The following DOK6 variants were observed in gnomAD, a reference collection of about 807,000 sequenced individuals.
DOK6 encodes docking protein 6.
In DOK6, 22 loss-of-function variants were observed where a neutral mutation model predicts 44.0. That is an observed-to-expected ratio of 0.50 (90% CI 0.36 to 0.71). DOK6 has a LOEUF of 0.71. Ranked by LOEUF, DOK6 falls within the 30% of genes least tolerant of loss-of-function variation. DOK6 has a pLI of 0.00. For missense variants in DOK6, 340 were observed against 416.4 expected (o/e 0.82, Z 1.60); for synonymous variants, 166 against 145.5 (o/e 1.14, Z -1.01).
At chr18:69,403,895 A>G (rs1312160538) in intron 1 of DOK6, among the ~76,000 whole-genome samples, 1 of 152,214 alleles carries the variant, frequency 6.6e-6, no homozygotes, top group African/African-American at 2.4e-5. Flanking sequence ...TCCTAATTTT[A>G]TGGACTCAAA....
At chr18:69,729,549 G>A (rs187138127) in intron 5 of DOK6, among the ~76,000 whole-genome samples, 1 of 152,178 alleles carries the variant, frequency 6.6e-6, no homozygotes, top group East Asian at 1.9e-4. Context: ...ACAACAGGAG[G>A]TGGGAAACTA....
intron 2 of DOK6, among the ~76,000 whole-genome samples, chr18:69,585,371 AACTT>A (rs1983474693): frequency 6.6e-6 from 1 of 152,076 alleles, no homozygotes; most frequent in Non-Finnish European, 1.5e-5. Flanking sequence ...TGTTCTTTTG[AACTT>A]ACTAAGACTT....
At chr18:69,784,250 CAA>C (rs1980365396) in intron 7 of DOK6, among the ~76,000 whole-genome samples, 2 of 152,116 alleles carry the variant, frequency 1.3e-5, no homozygotes, top group East Asian at 3.9e-4. Flanking sequence ...TAACGGATTA[CAA>C]GTTAATTTTT....
intron 7 of DOK6, among the ~76,000 whole-genome samples, chr18:69,791,832 A>G (rs1980609659): frequency 6.6e-6 from 1 of 152,084 alleles, no homozygotes; most frequent in African/African-American, 2.4e-5. Flanking sequence ...TGCCCAGTCC[A>G]ATGTCCTGGA....
intron 2 of DOK6, among the ~76,000 whole-genome samples, chr18:69,591,275 C>T (rs1369001422): frequency 1.3e-5 from 2 of 152,048 alleles, no homozygotes; most frequent in Non-Finnish European, 2.9e-5. Flanking sequence ...CTGCTGTATA[C>T]TGATATGGGA....
chr18:69,509,532 G>C (rs1981296995), intron 1 of DOK6, among the ~76,000 whole-genome samples: 1 of 151,438 alleles, frequency 6.6e-6, no homozygotes. Flanking sequence ...CAGCTACTCG[G>C]GAGGCCGAGG....
chr18:69,447,889 G>T (rs1037938067), intron 1 of DOK6, among the ~76,000 whole-genome samples: 1 of 152,124 alleles, frequency 6.6e-6, no homozygotes, highest in African/African-American at 2.4e-5. Flanking sequence ...CTTATCTCAG[G>T]TTTCCAGTGA....
At chr18:69,688,730 C>G (rs371414817) in intron 4 of DOK6, among the ~76,000 whole-genome samples, 3 of 152,172 alleles carry the variant, frequency 2.0e-5, no homozygotes, top group African/African-American at 7.2e-5. Flanking sequence ...CCATGTTGGC[C>G]AGGCTGGTCT....
At chr18:69,433,876 T>C (rs950750575) in intron 1 of DOK6, among the ~76,000 whole-genome samples, 1 of 152,182 alleles carries the variant, frequency 6.6e-6, no homozygotes, top group Admixed American at 6.5e-5. Context: ...TACATTCCTA[T>C]GTACTTTTTC....
intron 3 of DOK6, among the ~76,000 whole-genome samples, chr18:69,603,346 C>T (rs1163991621): frequency 6.6e-6 from 1 of 152,130 alleles, no homozygotes; most frequent in East Asian, 1.9e-4. Context: ...ACAATTCAGC[C>T]GGCCTACCTT....
At chr18:69,688,906 A>G (rs892834179) in intron 4 of DOK6, among the ~76,000 whole-genome samples, 1 of 152,188 alleles carries the variant, frequency 6.6e-6, no homozygotes, top group Non-Finnish European at 1.5e-5. Flanking sequence ...CTGAACCCCT[A>G]TGCACACCAC....
In DOK6 at chr18:69,485,249, A is replaced by T. The variant is rs541502954; in HGVS notation, c.67-79238A>T. 2.0e-5 allele frequency among the ~76,000 whole-genome samples: 3 copies of T among 152,284 alleles called. No homozygotes were observed. In the South Asian group the frequency reaches 6.2e-4, roughly 32 times the overall value. ...ATGGTGAGCAAGGGCAGCAAGTGAGAGGGCATGCTGAAAGCCTTGCTAGAA... is the reference window on the plus strand; with the variant it reads ...ATGGTGAGCAAGGGCAGCAAGTGAGTGGGCATGCTGAAAGCCTTGCTAGAA... On this transcript the variant is annotated intron_variant, in intron 1 of 7. Coordinates refer to ENST00000382713, the MANE Select transcript of DOK6 (RefSeq NM_152721.6).
At chr18:69,686,000 T>G (rs1034342793) in intron 4 of DOK6, among the ~76,000 whole-genome samples, 1 of 152,168 alleles carries the variant, frequency 6.6e-6, no homozygotes, top group African/African-American at 2.4e-5. Context: ...CAGAATGTGA[T>G]AGTACTTGTA....
chr18:69,622,586 T>G (rs959493071), intron 3 of DOK6, among the ~76,000 whole-genome samples: 1 of 152,220 alleles, frequency 6.6e-6, no homozygotes, highest in African/African-American at 2.4e-5. Flanking sequence ...GTTTGCTAAA[T>G]TGTACTGACT....
At chr18:69,675,668 T>TAA (rs199790798) in intron 3 of DOK6, among the ~76,000 whole-genome samples, 1 of 151,262 alleles carries the variant, frequency 6.6e-6, no homozygotes, top group African/African-American at 2.4e-5. Context: ...AGTATAATAA[T>TAA]AAAAAAAAGA....
At chr18:69,838,128 TC>T (rs1982103537) in intron 7 of DOK6, among the ~76,000 whole-genome samples, 1 of 152,152 alleles carries the variant, frequency 6.6e-6, no homozygotes, top group Non-Finnish European at 1.5e-5. Context: ...ATTTGAATTT[TC>T]TTTTTTTATA....
chr18:69,579,543 G>A (rs1165868210), intron 2 of DOK6, among the ~76,000 whole-genome samples: 1 of 150,704 alleles, frequency 6.6e-6, no homozygotes, highest in Non-Finnish European at 1.5e-5. Context: ...CCAACTCTCC[G>A]AAGGTGGGCC....
At chr18:69,552,166 C>T (rs907649090) in intron 1 of DOK6, among the ~76,000 whole-genome samples, 1 of 152,058 alleles carries the variant, frequency 6.6e-6, no homozygotes, top group Non-Finnish European at 1.5e-5. Context: ...AGCTCATTGT[C>T]TTGTGGACAA....
chr18:69,733,071 G>A (rs1447781522), intron 5 of DOK6, among the ~76,000 whole-genome samples: 2 of 152,104 alleles, frequency 1.3e-5, no homozygotes, highest in African/African-American at 4.8e-5. Context: ...GTGTACGCCT[G>A]TACAAACAGC....
Sources: allele counts gnomAD v4.1 joint callset (sites outside exome capture counted in the v4.1 genomes callset), GRCh38; gene constraint gnomAD v4.1.1; transcripts MANE v1.5; gene names NCBI Gene and HGNC (gene_info 2026-07-23, HGNC 2026-07-21).